Variants in LMO7 observed in about 807,000 individuals in gnomAD.
LMO7 encodes LIM domain 7.
LMO7 carries 120 observed loss-of-function variants against 206.5 expected under a neutral mutation model. The ratio of observed to expected loss-of-function variants is 0.58; its 90% CI spans 0.50 to 0.68. The LOEUF (loss-of-function observed/expected upper bound fraction) is 0.68, where lower values mean the gene tolerates loss of function less well. Among genes scored for constraint, LMO7 ranks in the 30% least tolerant of loss-of-function variants. The probability of loss-of-function intolerance (pLI) is 0.00; values close to 1 mark genes in which losing one functional copy is unlikely to be tolerated. For synonymous variants in LMO7, 706 were observed against 681.5 expected (o/e 1.04, Z -0.56); for missense variants, 1,959 against 1,957.9 (o/e 1.00, Z -0.01).
chr13:75,621,023 T>G (rs1289631944), exon 1 of LMO7: 1 of 152,206 alleles, frequency 6.6e-6, no homozygotes, highest in African/African-American at 2.4e-5. Flanking sequence ...TTCTTGGCAC[T>G]TACTCTGAGT....
chr13:75,812,241 C>T (rs2056482755), intron 11 of LMO7, among the ~76,000 whole-genome samples: 1 of 152,122 alleles, frequency 6.6e-6, no homozygotes, highest in Admixed American at 6.6e-5. Context: ...ACTGAGGAAC[C>T]CTCATTGAGA....
intron 1 of LMO7, among the ~76,000 whole-genome samples, chr13:75,702,958 G>T (rs891272680): frequency 6.6e-5 from 10 of 152,192 alleles, no homozygotes; most frequent in East Asian, 1.9e-4. Flanking sequence ...AACTTTGAAG[G>T]TTTCATCCAA....
intron 2 of LMO7, among the ~76,000 whole-genome samples, chr13:75,626,368 CA>C (rs2034082496): frequency 6.6e-6 from 1 of 151,298 alleles, no homozygotes; most frequent in Non-Finnish European, 1.5e-5. Flanking sequence ...GAGGAAGAAG[CA>C]AAAGCAGAAA....
chr13:75,670,193 T>C (rs1032986632), intron 1 of LMO7, among the ~76,000 whole-genome samples: 2 of 152,216 alleles, frequency 1.3e-5, no homozygotes, highest in Non-Finnish European at 2.9e-5. Flanking sequence ...TGAATTAGTA[T>C]GGGAATCAGA....
rs2059555049 is a variant in LMO7 at position 75,841,520 on chromosome 13, C to T, written c.3676-108C>T. 1.1e-5 allele frequency: 9 copies of T among 796,106 alleles called. No homozygotes were observed. The South Asian group carries it at 1.3e-4, about 12-fold the overall frequency. The allele number at this position is 796,106 out of a possible 1,614,324, so 49.3% of individuals were successfully genotyped here. A position where few individuals can be genotyped will look rare whatever the true frequency, so the allele number is the denominator to read the frequency against. ...CTTAACATGTTTTTTGAGTGGAGTC[C>T]TGGGCCAACTATAGTTAGTAGCATC... On this transcript the variant is annotated intron_variant, in intron 23 of 30. Coordinates refer to ENST00000377534, the MANE Select transcript of LMO7 (RefSeq NM_001306080.2).
At chr13:75,783,778 T>C (rs2051938912) in intron 4 of LMO7, among the ~76,000 whole-genome samples, 1 of 152,236 alleles carries the variant, frequency 6.6e-6, no homozygotes, top group Non-Finnish European at 1.5e-5. Flanking sequence ...ATTAATGGTT[T>C]AGGCACTGAG....
intron 3 of LMO7, among the ~76,000 whole-genome samples, chr13:75,747,913 T>G (rs1267663644): frequency 2.6e-5 from 4 of 152,130 alleles, no homozygotes; most frequent in South Asian, 4.1e-4. Flanking sequence ...GAGAACCAGA[T>G]AGATGGCTGA....
intron 2 of LMO7, chr13:75,623,396 C>A: frequency 1.3e-6 from 1 of 799,950 alleles, no homozygotes; most frequent in African/African-American, 1.7e-5. Flanking sequence ...CGGAGTCTTG[C>A]TCTGTTGCCC....
At chr13:75,724,744 A>C (rs1188984454) in intron 2 of LMO7, among the ~76,000 whole-genome samples, 2 of 152,114 alleles carry the variant, frequency 1.3e-5, no homozygotes, top group Non-Finnish European at 2.9e-5. Context: ...ATTTTTGATG[A>C]TTCAAAATTT....
At chr13:75,674,673 C>T (rs1006602176) in intron 1 of LMO7, among the ~76,000 whole-genome samples, 1 of 152,144 alleles carries the variant, frequency 6.6e-6, no homozygotes, top group African/African-American at 2.4e-5. Context: ...AGTTTTTATT[C>T]TTAATATTTT....
rs763358318 is a variant in LMO7 at position 75,804,392 on chromosome 13, G to A, written c.765G>A (p.Ala255=). The A allele has an allele frequency of 2.8e-5, 45 of 1,614,058 alleles. No homozygotes were observed. The highest frequency in any genetic ancestry group is 8.0e-5 in the African/African-American group (6 of 74,930). ...TTTCGGCTGTTGAGCCAAAGACTGC[G>A]TTACCCTTCAATCGTTTTTTACCCA... ...RRISAVEPKT[A]LPFNRFLPNK... is the part of the protein sequence containing the mutation. Residue 255 remains alanine (A), a synonymous_variant, in exon 8 of 31, where the codon GCG becomes GCA. Transcript: ENST00000377534.
chr13:75,798,009 CA>C (rs2054253479), intron 6 of LMO7, among the ~76,000 whole-genome samples: 1 of 152,130 alleles, frequency 6.6e-6, no homozygotes, highest in African/African-American at 2.4e-5. Context: ...GGAGGAATTT[CA>C]GGGGGCTTTG....
intron 27 of LMO7, 112 bp downstream of exon 27, chr13:75,849,404 C>T (rs2060289178): frequency 1.3e-5 from 10 of 743,664 alleles, no homozygotes; most frequent in East Asian, 5.3e-5. Context: ...AGAGCGAACG[C>T]TCTGGGCACT....
chr13:75,636,790 G>C, intron 1 of LMO7, 64 bp downstream of exon 1: 1 of 1,472,890 alleles, frequency 6.8e-7, no homozygotes, highest in African/African-American at 1.4e-5. Flanking sequence ...TCGTCGCGAG[G>C]TGACTGCAGC....
intron 4 of LMO7, among the ~76,000 whole-genome samples, chr13:75,784,868 G>A (rs1332617278): frequency 6.6e-6 from 1 of 152,034 alleles, no homozygotes; most frequent in Non-Finnish European, 1.5e-5. Context: ...ATAGATATTT[G>A]TTTTACAGAA....
intron 12 of LMO7, 145 bp downstream of exon 12, chr13:75,817,423 A>T (rs1251029983): frequency 1.9e-6 from 1 of 525,810 alleles, no homozygotes; most frequent in Non-Finnish European, 3.3e-6. Context: ...CTTTACAAAG[A>T]TTTTTAAACC....
chr13:75,696,445 A>G (rs955276926), intron 1 of LMO7, among the ~76,000 whole-genome samples: 1 of 152,212 alleles, frequency 6.6e-6, no homozygotes, highest in Non-Finnish European at 1.5e-5. Flanking sequence ...TGTTTCATAT[A>G]AGGAAATCAA....
Position 75,760,928 on chromosome 13 carries a change from A to G in LMO7, c.211-4A>G. ...AAGCAATCACTTTCCACTTCTTTTC[A>G]CAGGATAATATAAACGTTTTCTTGA... is the stretch of plus-strand genomic sequence containing the variant. On this transcript the variant is annotated splice_polypyrimidine_tract_variant and splice_region_variant and intron_variant, in intron 3 of 30. Coordinates refer to ENST00000377534, the MANE Select transcript of LMO7 (RefSeq NM_001306080.2). 1 of 1,612,932 alleles carries G rather than the reference A, an allele frequency of 6.2e-7. No individual in the cohort carries two copies. The highest frequency in any genetic ancestry group is 1.1e-5 in the South Asian group (1 of 90,976).
intron 4 of LMO7, among the ~76,000 whole-genome samples, chr13:75,772,139 T>C (rs2049838372): frequency 6.6e-6 from 1 of 152,170 alleles, no homozygotes; most frequent in African/African-American, 2.4e-5. Flanking sequence ...AATGAACTTA[T>C]CATTTCTTAC....
Sources: gnomAD v4.1 joint callset for allele counts (sites outside exome capture counted in the v4.1 genomes callset) on GRCh38, gnomAD v4.1.1 for gene constraint, MANE v1.5 for transcripts, NCBI Gene and HGNC (gene_info 2026-07-23, HGNC 2026-07-21) for gene names.